GPR180: variants seen among roughly 807,000 people sequenced by gnomAD.
GPR180 encodes the protein G protein-coupled receptor 180.
GPR180 carries 53 observed loss-of-function variants against 52.6 expected under a neutral mutation model. The observed-to-expected ratio is 1.01, with a 90% CI of 0.81 to 1.27. The LOEUF is 1.27. Among genes scored for constraint, GPR180 ranks in the 50% most tolerant of loss-of-function variants. GPR180 has a pLI of 0.00. For missense variants in GPR180, 533 were observed against 527.0 expected, an observed-to-expected ratio of 1.01 and a Z score of -0.11; for synonymous variants, 200 against 193.1, an observed-to-expected ratio of 1.04 and a Z score of -0.30.
chr13:94,623,055 T>C, intron 6 of GPR180, 54 bp from the exon 7 acceptor site: 1 of 1,305,574 alleles, frequency 7.7e-7, no homozygotes, highest in Non-Finnish European at 1.1e-6. Context: ...GAAAAAAATA[T>C]TGTAATGAGG....
intron 8 of GPR180, 72 bp from the exon 9 acceptor site, chr13:94,626,941 A>T (rs934675482): frequency 1.8e-6 from 2 of 1,133,500 alleles, no homozygotes; most frequent in Non-Finnish European, 2.5e-6. Context: ...GCATATATAG[A>T]TTCATAATAA....
chr13:94,605,320 T>C, intron 1 of GPR180, 71 bp from the exon 2 acceptor site: 2 of 1,377,786 alleles, frequency 1.5e-6, no homozygotes, highest in South Asian at 2.4e-5. Context: ...TAAGTAGAGG[T>C]GTTGAGTTGT....
At chr13:94,620,203 A>G (rs1479664605) in intron 5 of GPR180, among the ~76,000 whole-genome samples, 1 of 152,164 alleles carries the variant, frequency 6.6e-6, no homozygotes. Flanking sequence ...TTCTTACCTC[A>G]AAGCTGAAGT....
intron 1 of GPR180, among the ~76,000 whole-genome samples, chr13:94,605,029 A>G (rs1207412143): frequency 6.6e-6 from 1 of 152,198 alleles, no homozygotes; most frequent in Non-Finnish European, 1.5e-5. Context: ...TGTCATATTA[A>G]AAAACAGAAA....
At chr13:94,602,152 C>A in intron 1 of GPR180, 80 bp downstream of exon 1, 1 of 1,216,320 alleles carries the variant, frequency 8.2e-7, no homozygotes, top group Non-Finnish European at 1.0e-6. Context: ...TCCTCCCGGC[C>A]CCTCCCTGCC....
At position 94,632,636 on chromosome 13, in the gene GPR180, C is replaced by T. The variant is rs886233622; in HGVS notation, c.*5465C>T. 1.3e-5 allele frequency: 2 copies of T among 152,166 alleles called. No individual in the cohort carries two copies. Among genetic ancestry groups the T allele is most frequent in the Non-Finnish European group, 2.9e-5 (2 of 68,046 alleles). The allele number at this position is 152,166 out of a possible 1,614,324, so 9.4% of individuals were successfully genotyped here. Reference sequence around the variant, plus strand: ...TCCTTCCCTCCTCCCAAAATGCCTCCACTCCAGGTTCCAGGTCTAGATCCT... The same window carrying T: ...TCCTTCCCTCCTCCCAAAATGCCTCTACTCCAGGTTCCAGGTCTAGATCCT... On this transcript the variant is annotated 3_prime_UTR_variant, in exon 9 of 9. Transcript: ENST00000376958.
chr13:94,615,735 T>G (rs1248766112), intron 3 of GPR180, among the ~76,000 whole-genome samples: 2 of 152,236 alleles, frequency 1.3e-5, no homozygotes, highest in Non-Finnish European at 2.9e-5. Context: ...TAGACTGGTT[T>G]TCACTGGAAT....
rs554685812 is a variant in GPR180, at chr13:94,613,476, G to A, written c.505+1086G>A. ...TTTTTTATTTTTATTTTTTAGAGAC[G>A]GGGTCTCGCTATGTTGCCCAGGTTG... On this transcript the variant is annotated intron_variant, in intron 3 of 8. Coordinates refer to ENST00000376958, the MANE Select transcript of GPR180 (RefSeq NM_180989.6). Among the ~76,000 whole-genome samples, 4 of 152,030 alleles carry A rather than the reference G, an allele frequency of 2.6e-5. 1 individual carries two copies. In the South Asian group the frequency reaches 6.2e-4, roughly 24 times the overall value.
At chr13:94,608,050 CAT>C (rs1251651595) in intron 2 of GPR180, among the ~76,000 whole-genome samples, 1 of 152,184 alleles carries the variant, frequency 6.6e-6, no homozygotes, top group Non-Finnish European at 1.5e-5. Flanking sequence ...TCTTGTATCA[CAT>C]AGTCAGTATT....
At chr13:94,605,735 GAAA>G (rs199535213) in intron 2 of GPR180, among the ~76,000 whole-genome samples, 186 bp downstream of exon 2, 1 of 150,292 alleles carries the variant, frequency 6.7e-6, no homozygotes, top group African/African-American at 2.4e-5. Flanking sequence ...CATCGTTTTT[GAAA>G]AAAAAATCCA....
intron 2 of GPR180, among the ~76,000 whole-genome samples, chr13:94,611,506 A>G (rs1221049346): frequency 6.6e-6 from 1 of 152,120 alleles, no homozygotes; most frequent in Non-Finnish European, 1.5e-5. Flanking sequence ...TTTGAATGTC[A>G]TTAACCAACC....
chr13:94,627,768 C>T lies in GPR180; in HGVS notation c.*597C>T, dbSNP rs1889946940. On this transcript the variant is annotated 3_prime_UTR_variant, in exon 9 of 9. Coordinates refer to ENST00000376958, the MANE Select transcript of GPR180 (RefSeq NM_180989.6). ...CTCCAATTTTTTCTGCCATTTTTGG[C>T]TCTAGTTCAGGTTTTAGCTTGATTA... The T allele has an allele frequency of 6.6e-6, 1 of 152,006 alleles. No homozygotes were observed. The highest frequency in any genetic ancestry group is 1.5e-5 in the Non-Finnish European group (1 of 67,970). The allele number at this position is 152,006 out of a possible 1,614,324, so 9.4% of individuals were successfully genotyped here. A position where few individuals can be genotyped will look rare whatever the true frequency, so the allele number is the denominator to read the frequency against.
At chr13:94,611,259 T>C (rs1889700249) in intron 2 of GPR180, among the ~76,000 whole-genome samples, 1 of 152,180 alleles carries the variant, frequency 6.6e-6, no homozygotes, top group South Asian at 2.1e-4. Context: ...TTTGTACACC[T>C]TTAAAGAACA....
In GPR180 at chr13:94,619,525, T is replaced by C. The variant is rs553336598; in HGVS notation, c.736+8T>C. On this transcript the variant is annotated splice_region_variant and intron_variant, in intron 5 of 8. Transcript: ENST00000376958. ...TGGGAAGTTTGGCAGAATGTGAGTA[T>C]CTTTCTGAGCATTTTTTAAAAAGCT... 9 of 1,608,976 alleles carry C rather than the reference T, an allele frequency of 5.6e-6. No individual in the cohort carries two copies. The highest frequency in any genetic ancestry group is 4.0e-5 in the African/African-American group (3 of 74,904).
At chr13:94,626,081 A>G in intron 8 of GPR180, 38 bp downstream of exon 8, 1 of 1,369,394 alleles carries the variant, frequency 7.3e-7, no homozygotes, top group Non-Finnish European at 1.0e-6. Context: ...TTTCTTAATG[A>G]AAATATTGTC....
chr13:94,605,365 T>G, intron 1 of GPR180, 26 bp from the exon 2 acceptor site: 3 of 1,612,844 alleles, frequency 1.9e-6, no homozygotes, highest in Non-Finnish European at 2.5e-6. Flanking sequence ...ACCAAACTAG[T>G]TGATGATTTT....
In GPR180 at chr13:94,621,115, A is replaced by G. The variant is rs1341851441; in HGVS notation, c.774A>G (p.Leu258=). ...DIASQIQMLY[L]LLSLCMGWTI... ...CTTCCCAAATTCAGATGTTATACTT[A>G]CTTTTGAGTCTATGCATGGGTTGGA... The change falls in exon 6 of 9, where the codon TTA becomes TTG. Residue 258 remains leucine (L), a synonymous_variant. Coordinates refer to ENST00000376958, the MANE Select transcript of GPR180 (RefSeq NM_180989.6). The G allele has an allele frequency of 6.2e-7, 1 of 1,610,842 alleles. No homozygotes were observed. Among genetic ancestry groups the G allele is most frequent in the Admixed American group, 1.7e-5 (1 of 58,808 alleles).
intron 2 of GPR180, among the ~76,000 whole-genome samples, chr13:94,606,707 G>A (rs1015717253): frequency 6.6e-6 from 1 of 152,158 alleles, no homozygotes; most frequent in Non-Finnish European, 1.5e-5. Context: ...TATCTTATCA[G>A]CTGTCTGATT....
rs1173555760 is a variant in GPR180, at chr13:94,632,810, C to T, written c.*5639C>T. 1 of 152,066 alleles carries T rather than the reference C, an allele frequency of 6.6e-6. No homozygotes were observed. The highest frequency in any genetic ancestry group is 1.9e-4 in the East Asian group (1 of 5,188). The allele number at this position is 152,066 out of a possible 1,614,324, so 9.4% of individuals were successfully genotyped here. A position where few individuals can be genotyped will look rare whatever the true frequency, so the allele number is the denominator to read the frequency against. On this transcript the variant is annotated 3_prime_UTR_variant, in exon 9 of 9. Coordinates refer to ENST00000376958, the MANE Select transcript of GPR180 (RefSeq NM_180989.6). The stretch of plus-strand genomic sequence containing the variant: ...GAGTTTTGAGTCATATGATATTAGC[C>T]CAACCTCTGAGGTGGAGAGAGGGGT...
Sources: gnomAD v4.1 joint callset for allele counts (sites outside exome capture counted in the v4.1 genomes callset) on GRCh38, gnomAD v4.1.1 for gene constraint, MANE v1.5 for transcripts, NCBI Gene and HGNC (gene_info 2026-07-23, HGNC 2026-07-21) for gene names.